Variants in ERO1B observed in about 807,000 individuals in gnomAD.
ERO1B encodes the protein ERO1-like protein beta.
In ERO1B, 49 loss-of-function variants were observed where a neutral mutation model predicts 75.3. The ratio of observed to expected loss-of-function variants is 0.65; its 90% CI spans 0.52 to 0.83. The LOEUF (loss-of-function observed/expected upper bound fraction) is 0.83. ERO1B is among the 40% of genes least tolerant of loss of function. The pLI, the probability that ERO1B is intolerant of heterozygous loss-of-function variation, is 0.00. For missense variants in ERO1B, 512 were observed against 560.1 expected (o/e 0.91, Z 0.87); for synonymous variants, 191 against 192.9 (o/e 0.99, Z 0.08).
chr1:236,233,735 CCT>C (rs1381398243), intron 8 of ERO1B, among the ~76,000 whole-genome samples: 2 of 152,296 alleles, frequency 1.3e-5, no homozygotes, highest in East Asian at 3.9e-4. Context: ...TGCACACAAT[CCT>C]CTCTGAACAT....
chr1:236,232,923 T>A, intron 8 of ERO1B, 84 bp from the exon 9 acceptor site: 1 of 1,162,626 alleles, frequency 8.6e-7, no homozygotes, highest in Non-Finnish European at 1.2e-6. Flanking sequence ...ATTAAAACTG[T>A]TAAACTATTA....
chr1:236,242,092 A>C (rs1664721159), intron 6 of ERO1B, among the ~76,000 whole-genome samples: 1 of 151,970 alleles, frequency 6.6e-6, no homozygotes, highest in African/African-American at 2.4e-5. Context: ...AATCGTTAAC[A>C]CTGTTTATAC....
At chr1:236,265,406 C>T (rs1326498430) in intron 2 of ERO1B, among the ~76,000 whole-genome samples, 2 of 152,236 alleles carry the variant, frequency 1.3e-5, no homozygotes, top group African/African-American at 4.8e-5. Context: ...TGTATATGTG[C>T]ACTCAAAACT....
At chr1:236,256,961 T>G (rs1403213244) in intron 2 of ERO1B, among the ~76,000 whole-genome samples, 2 of 152,190 alleles carry the variant, frequency 1.3e-5, no homozygotes, top group African/African-American at 4.8e-5. Flanking sequence ...GGCATCTGCC[T>G]CAGATGCTCT....
intron 2 of ERO1B, among the ~76,000 whole-genome samples, chr1:236,253,750 C>T (rs1665095683): frequency 6.6e-6 from 1 of 152,172 alleles, no homozygotes; most frequent in East Asian, 1.9e-4. Flanking sequence ...CTAATGTTAT[C>T]TTATTAATGA....
chr1:236,268,164 C>T (rs1406331746), intron 2 of ERO1B, among the ~76,000 whole-genome samples: 1 of 152,166 alleles, frequency 6.6e-6, no homozygotes, highest in Non-Finnish European at 1.5e-5. Context: ...GAGATGTGTT[C>T]CCAAATCTTT....
intron 1 of ERO1B, among the ~76,000 whole-genome samples, chr1:236,273,739 G>A (rs1241986349): frequency 1.5e-4 from 22 of 151,140 alleles, no homozygotes; most frequent in Admixed American, 1.5e-3. Flanking sequence ...TCAGGGGGTC[G>A]AGGTTGCAGT....
chr1:236,279,843 C>CAAAAAAA (rs60949594), intron 1 of ERO1B, among the ~76,000 whole-genome samples: 3 of 135,264 alleles, frequency 2.2e-5, no homozygotes, highest in Non-Finnish European at 3.1e-5. Flanking sequence ...GACACTATCT[C>CAAAAAAA]AAAAAAAAAA....
chr1:236,263,197 C>T lies in ERO1B; in HGVS notation c.222+6678G>A, dbSNP rs185663074. On this transcript the variant is annotated intron_variant, in intron 2 of 15. Coordinates refer to ENST00000354619, the MANE Select transcript of ERO1B (RefSeq NM_019891.4). ...GCATATGCTTCCCAGAGAACCTAAC[C>T]TGTGACAACTTGTCTAGCTCCAGGA... Among the ~76,000 whole-genome samples the T allele has an allele frequency of 8.2e-4, 125 of 152,230 alleles. 1 individual carries two copies. The highest frequency in any genetic ancestry group is 8.2e-4 in the Non-Finnish European group (56 of 68,012).
intron 9 of ERO1B, among the ~76,000 whole-genome samples, chr1:236,230,611 C>CAA (rs397983348): frequency 0.011 from 660 of 58,500 alleles, 74 homozygotes; most frequent in South Asian, 0.02. Flanking sequence ...GACCCTGTCT[C>CAA]AAAAAAAAAA....
In ERO1B at chr1:236,243,451, T is replaced by C; in HGVS notation, c.476A>G (p.Asp159Gly). The C allele has an allele frequency of 6.2e-7, 1 of 1,605,096 alleles. No homozygotes were observed. Among genetic ancestry groups the C allele is most frequent in the Non-Finnish European group, 8.5e-7 (1 of 1,175,278 alleles). Residue 159 changes from aspartate (D) to glycine (G), a missense_variant, in exon 6 of 16, where the codon GAT becomes GGT. Transcript: ENST00000354619. ...EAFIDWARYD[D>G]SRDHFCELDD... ...AAGTTCACAAAAGTGATCCCGTGAA[T>C]CATCATATCTTGCCCAGTCAATGAA...
intron 5 of ERO1B, among the ~76,000 whole-genome samples, chr1:236,247,829 A>C (rs1025203934): frequency 6.6e-6 from 1 of 152,146 alleles, no homozygotes. Context: ...GGGGTTTTCA[A>C]CTAACATTTA....
Position 236,226,666 on chromosome 1 carries a change from G to T in ERO1B, c.786C>A (p.Cys262Ter). ...GATTACCTTCCAAAAGATAATTTGC[G>T]CATAGATGTAAATTGATGCTAGCAT... ...GLHASINLHLCANYLLEETWG... is the reference protein window; with the variant it reads ...GLHASINLHL Residue 262 changes from cysteine (C) to a stop codon, truncating the protein, a stop_gained, in exon 11 of 16, where the codon TGC (cysteine) becomes TGA (stop). Transcript: ENST00000354619. LOFTEE classifies it high-confidence loss of function. The T allele has an allele frequency of 6.2e-7, 1 of 1,611,910 alleles. No homozygotes were observed. Among genetic ancestry groups the T allele is most frequent in the Middle Eastern group, 1.7e-4 (1 of 6,046 alleles).
chr1:236,261,954 C>CAAAAACAA (rs1665302759), intron 2 of ERO1B, among the ~76,000 whole-genome samples: 1 of 151,600 alleles, frequency 6.6e-6, no homozygotes, highest in Non-Finnish European at 1.5e-5. Flanking sequence ...AAAACAAAAA[C>CAAAAACAA]AAAAACAAAC....
chr1:236,272,878 A>AT (rs1665628325), intron 1 of ERO1B, among the ~76,000 whole-genome samples: 1 of 152,026 alleles, frequency 6.6e-6, no homozygotes, highest in Non-Finnish European at 1.5e-5. Context: ...TTAACACGTT[A>AT]TTATGGCATC....
intron 5 of ERO1B, among the ~76,000 whole-genome samples, chr1:236,247,277 A>C (rs1054312622): frequency 2.6e-5 from 4 of 152,214 alleles, no homozygotes; most frequent in African/African-American, 9.6e-5. Flanking sequence ...GCTCAAACTT[A>C]ACAAATCCAA....
At chr1:236,262,196 T>C (rs1726665) in intron 2 of ERO1B, among the ~76,000 whole-genome samples, 37,726 of 152,034 alleles carry the variant, frequency 0.25, 4,868 homozygotes, top group East Asian at 0.38. Flanking sequence ...CAAGTATGTA[T>C]GGTCAATTGA....
At chr1:236,279,504 C>CAAAAAAAAAAAAAAAAAA (rs57596875) in intron 1 of ERO1B, among the ~76,000 whole-genome samples, 6 of 78,526 alleles carry the variant, frequency 7.6e-5, no homozygotes, top group Non-Finnish European at 1.4e-4. Flanking sequence ...GACTCCATCT[C>CAAAAAAAAAAAAAAAAAA]AAAAAAAAAA....
chr1:236,257,543 A>C (rs1052755604), intron 2 of ERO1B, among the ~76,000 whole-genome samples: 3 of 137,630 alleles, frequency 2.2e-5, no homozygotes, highest in African/African-American at 8.1e-5. Flanking sequence ...AAAATGAAGA[A>C]ATAGGGAAAT....
Sources: allele counts gnomAD v4.1 joint callset (sites outside exome capture counted in the v4.1 genomes callset), GRCh38; gene constraint gnomAD v4.1.1; transcripts MANE v1.5; gene names NCBI Gene and HGNC (gene_info 2026-07-23, HGNC 2026-07-21).